LTBP1: variants seen among roughly 807,000 people sequenced by gnomAD.
The protein encoded by LTBP1 is latent transforming growth factor beta binding protein 1, also known as latent-transforming growth factor beta-binding protein 1.
In LTBP1, 129 loss-of-function variants were observed where a neutral mutation model predicts 207.6. That is an observed-to-expected ratio of 0.62 (90% CI 0.54 to 0.72). The LOEUF (loss-of-function observed/expected upper bound fraction) is 0.72, where lower values mean the gene tolerates loss of function less well. Ranked by LOEUF, LTBP1 falls within the 30% of genes least tolerant of loss-of-function variation. The pLI is 0.00. For missense variants in LTBP1, 2,281 were observed against 2,217.2 expected, an observed-to-expected ratio of 1.03 and a Z score of -0.58; for synonymous variants, 963 against 833.7, an observed-to-expected ratio of 1.16 and a Z score of -2.67.
At chr2:33,168,503 A>G (rs1250370237) in intron 5 of LTBP1, among the ~76,000 whole-genome samples, 1 of 152,060 alleles carries the variant, frequency 6.6e-6, no homozygotes, top group Non-Finnish European at 1.5e-5. Context: ...GAAACTTGTG[A>G]TGTTGTCTTA....
chr2:33,072,899 C>A (rs1026794973), intron 3 of LTBP1, among the ~76,000 whole-genome samples: 10 of 152,168 alleles, frequency 6.6e-5, no homozygotes, highest in African/African-American at 1.7e-4. Context: ...GGTCTACCAC[C>A]ACTTCAGAGG....
chr2:33,268,437 G>T (rs1396824566), intron 15 of LTBP1, among the ~76,000 whole-genome samples: 1 of 152,142 alleles, frequency 6.6e-6, no homozygotes, highest in Non-Finnish European at 1.5e-5. Context: ...ATATCTTTAC[G>T]ATGGTGAAAT....
At chr2:33,027,618 T>G (rs2075484756) in intron 3 of LTBP1, among the ~76,000 whole-genome samples, 1 of 152,084 alleles carries the variant, frequency 6.6e-6, no homozygotes, top group Admixed American at 6.5e-5. Flanking sequence ...AGCTGGATCA[T>G]GAGGTCAAGA....
chr2:33,188,932 A>C, intron 7 of LTBP1, 81 bp downstream of exon 7: 1 of 1,477,794 alleles, frequency 6.8e-7, no homozygotes, highest in Non-Finnish European at 9.1e-7. Context: ...ACTTGATAAA[A>C]ATGCTTTTTT....
At chr2:33,259,659 A>G in intron 13 of LTBP1, 49 bp downstream of exon 13, 2 of 1,544,688 alleles carry the variant, frequency 1.3e-6, no homozygotes, top group African/African-American at 1.4e-5. Context: ...GCTCAAAGTG[A>G]TTTTCTATTA....
At position 33,129,707 on chromosome 2, in the gene LTBP1, T is replaced by C. The variant is rs560799149; in HGVS notation, c.1034-5086T>C. ...TAAATTTTTAGGGGAAAAATGTCTTTTGTAAAGATGGCAAGGTTTCCAACC... is the reference window on the plus strand; with the variant it reads ...TAAATTTTTAGGGGAAAAATGTCTTCTGTAAAGATGGCAAGGTTTCCAACC... On this transcript the variant is annotated intron_variant, in intron 4 of 33. Transcript: ENST00000404816. Among the ~76,000 whole-genome samples, 5 of 152,360 alleles carry C rather than the reference T, an allele frequency of 3.3e-5. No individual in the cohort carries two copies. In the South Asian group the frequency reaches 1.0e-3, roughly 32 times the overall value.
intron 24 of LTBP1, among the ~76,000 whole-genome samples, chr2:33,331,933 A>G (rs1447234293): frequency 6.6e-6 from 1 of 152,138 alleles, no homozygotes; most frequent in Non-Finnish European, 1.5e-5. Flanking sequence ...CCTAACTTAA[A>G]TATGTGTATA....
chr2:33,363,114 T>C (rs570338268), intron 28 of LTBP1, among the ~76,000 whole-genome samples: 1 of 152,348 alleles, frequency 6.6e-6, no homozygotes, highest in African/African-American at 2.4e-5. Flanking sequence ...TCATCAAATA[T>C]GAGGTAGCAT....
At chr2:33,013,886 C>A (rs1687999277) in intron 2 of LTBP1, among the ~76,000 whole-genome samples, 1 of 137,428 alleles carries the variant, frequency 7.3e-6, no homozygotes, top group Admixed American at 9.4e-5. Context: ...AGGCATTAAA[C>A]TCCTGAATGA....
At chr2:33,304,360 C>G (rs2094049900) in intron 22 of LTBP1, among the ~76,000 whole-genome samples, 1 of 152,242 alleles carries the variant, frequency 6.6e-6, no homozygotes, top group African/African-American at 2.4e-5. Context: ...TAAACCGTGA[C>G]TGTTCACACG....
At chr2:33,108,506 C>A (rs982204287) in intron 3 of LTBP1, among the ~76,000 whole-genome samples, 14 of 152,062 alleles carry the variant, frequency 9.2e-5, no homozygotes, top group African/African-American at 3.4e-4. Context: ...GGCCCGTCCA[C>A]ATGTATGCTT....
chr2:33,197,868 C>A lies in LTBP1; in HGVS notation c.1701+9017C>A, dbSNP rs78807913. Reference sequence around the variant, plus strand: ...AACCTGCCTCGTAATCAGACAGAAGCGTTATAAGGGGAGACAAAAAATTCA... The same window carrying A: ...AACCTGCCTCGTAATCAGACAGAAGAGTTATAAGGGGAGACAAAAAATTCA... On this transcript the variant is annotated intron_variant, in intron 7 of 33. Transcript: ENST00000404816. Among the ~76,000 whole-genome samples the A allele has an allele frequency of 9.7e-3, 1,482 of 152,188 alleles. 22 individuals carry two copies. The highest frequency in any genetic ancestry group is 0.037 in the Middle Eastern group (11 of 294).
chr2:33,135,466 A>G (rs539477894), intron 5 of LTBP1, among the ~76,000 whole-genome samples: 12 of 152,216 alleles, frequency 7.9e-5, no homozygotes, highest in Non-Finnish European at 1.6e-4. Context: ...ACAGAGTTGC[A>G]TCTTTTGCCA....
intron 7 of LTBP1, among the ~76,000 whole-genome samples, chr2:33,208,089 T>A (rs2090013209): frequency 1.3e-5 from 2 of 152,242 alleles, no homozygotes; most frequent in African/African-American, 4.8e-5. Context: ...GGATTAACAT[T>A]CCTCATCCAG....
intron 2 of LTBP1, among the ~76,000 whole-genome samples, chr2:32,989,485 G>A (rs1684081776): frequency 6.6e-6 from 1 of 152,118 alleles, no homozygotes; most frequent in Non-Finnish European, 1.5e-5. Context: ...TTTTGGGTCT[G>A]TTTCAAAGTG....
intron 5 of LTBP1, among the ~76,000 whole-genome samples, chr2:33,168,704 G>A (rs113894889): frequency 0.011 from 1,627 of 152,192 alleles, 29 homozygotes; most frequent in African/African-American, 0.037. Context: ...AAGGCATCAG[G>A]AGCCTGTTTT....
intron 5 of LTBP1, among the ~76,000 whole-genome samples, chr2:33,175,530 A>G (rs148792967): frequency 0.011 from 1,631 of 152,336 alleles, 37 homozygotes; most frequent in African/African-American, 0.037. Flanking sequence ...GTGTGGAGAA[A>G]CAGGAAAGCT....
At chr2:32,951,298 T>C (rs1288473216) in intron 2 of LTBP1, among the ~76,000 whole-genome samples, 4 of 152,236 alleles carry the variant, frequency 2.6e-5, no homozygotes, top group Non-Finnish European at 4.4e-5. Flanking sequence ...TAGGTACAAA[T>C]GCTAGAAACT....
chr2:32,965,607 C>T (rs1030304548), intron 2 of LTBP1, among the ~76,000 whole-genome samples: 2 of 152,216 alleles, frequency 1.3e-5, no homozygotes, highest in Non-Finnish European at 2.9e-5. Context: ...GCTTCTTTCA[C>T]TTAGTAATAG....
Sources: gnomAD v4.1 joint callset for allele counts (sites outside exome capture counted in the v4.1 genomes callset) on GRCh38, gnomAD v4.1.1 for gene constraint, MANE v1.5 for transcripts, NCBI Gene and HGNC (gene_info 2026-07-23, HGNC 2026-07-21) for gene names.